Variants in DNAH8 observed in about 807,000 individuals in gnomAD.
The protein encoded by DNAH8 is dynein axonemal heavy chain 8.
In DNAH8, 382 loss-of-function variants were observed where a neutral mutation model predicts 562.1. The observed-to-expected ratio is 0.68, with a 90% CI of 0.63 to 0.74. The LOEUF is 0.74. Among genes scored for constraint, DNAH8 ranks in the 30% least tolerant of loss-of-function variants. The probability of loss-of-function intolerance (pLI) is 0.00; values close to 1 mark genes in which losing one functional copy is unlikely to be tolerated. For missense variants in DNAH8, 5,203 were observed against 5,620.4 expected (o/e 0.93, Z 2.37); for synonymous variants, 1,881 against 1,919.4 (o/e 0.98, Z 0.52).
At chr6:38,786,086 G>A (rs931523757) in intron 17 of DNAH8, among the ~76,000 whole-genome samples, 1 of 152,154 alleles carries the variant, frequency 6.6e-6, no homozygotes, top group African/African-American at 2.4e-5. Context: ...GCCTGTAGAA[G>A]TTCTTCATGT....
rs764618646 is a variant in DNAH8, at chr6:38,931,959, A to C, written c.11423A>C (p.Gln3808Pro). ...GTTACAATGAAAGGACTTGAGAATC[A>C]GTTACTAAGGAGAGTCATTCTAACA... is the stretch of plus-strand genomic sequence containing the variant. ...FTVTMKGLENQLLRRVILTEK... is the reference protein window; with the variant it reads ...FTVTMKGLENPLLRRVILTEK... Residue 3808 changes from glutamine (Q) to proline (P), a missense_variant, in exon 76 of 93, where the codon CAG (glutamine) becomes CCG (proline). Physicochemically the swap from Gln to Pro is moderately conservative, Grantham distance 76. Around this residue, in one of 6 missense-constraint regions of DNAH8, gnomAD observed 1,399 missense variants for 1,518.4 expected, o/e 0.92. Coordinates refer to ENST00000327475, the MANE Select transcript of DNAH8 (RefSeq NM_001206927.2). 1 of 1,608,424 alleles carries C rather than the reference A, an allele frequency of 6.2e-7. No homozygotes were observed.
intron 67 of DNAH8, among the ~76,000 whole-genome samples, chr6:38,914,174 CTCTG>C (rs1424549638): frequency 3.3e-5 from 5 of 152,116 alleles, no homozygotes; most frequent in African/African-American, 9.7e-5. Flanking sequence ...TCTTCTCTCA[CTCTG>C]TCTGTCTCTC....
chr6:38,842,335 A>T, intron 33 of DNAH8, 33 bp from the exon 34 acceptor site: 2 of 1,558,916 alleles, frequency 1.3e-6, no homozygotes, highest in Non-Finnish European at 8.7e-7. Flanking sequence ...AATATTATAC[A>T]TGATGTGATA....
Position 38,874,174 on chromosome 6 carries a change from CTT to C in DNAH8, c.7620+800_7620+801del, listed in dbSNP as rs1274323763. 2.0e-5 allele frequency among the ~76,000 whole-genome samples: 2 copies of C among 101,670 alleles called. 1 individual carries two copies. The highest frequency in any genetic ancestry group is 4.1e-5 in the Non-Finnish European group (2 of 48,738). 66.7% of individuals were successfully genotyped at this position (101,670 alleles called of 152,430 possible). A position where few individuals can be genotyped will look rare whatever the true frequency, so the allele number is the denominator to read the frequency against. On this transcript the variant is annotated intron_variant, in intron 52 of 92. Coordinates refer to ENST00000327475, the MANE Select transcript of DNAH8 (RefSeq NM_001206927.2). ...TTCCTTCCTTCCTCCTTCTCTCTTTCTTTCTTTCTCTCTCTCTTTCTTTCTCT... is the reference window on the plus strand; with the variant it reads ...TTCCTTCCTTCCTCCTTCTCTCTTTCTCTTTCTCTCTCTCTTTCTTTCTCT...
intron 10 of DNAH8, among the ~76,000 whole-genome samples, chr6:38,758,290 A>G (rs910113753): frequency 1.3e-5 from 2 of 151,850 alleles, no homozygotes; most frequent in African/African-American, 4.8e-5. Context: ...CTTTGAAGCA[A>G]TTGTGAATGG....
chr6:38,833,303 A>T (rs942159463), intron 31 of DNAH8, among the ~76,000 whole-genome samples: 9 of 152,160 alleles, frequency 5.9e-5, no homozygotes, highest in Non-Finnish European at 1.2e-4. Context: ...CTATTGTTAA[A>T]GTAAATCTAA....
In DNAH8 at chr6:38,845,764, T is replaced by C. The variant is rs771310097; in HGVS notation, c.5036T>C (p.Leu1679Pro). The C allele has an allele frequency of 1.2e-6, 2 of 1,610,968 alleles. No homozygotes were observed. Among genetic ancestry groups the C allele is most frequent in the African/African-American group, 1.3e-5 (1 of 74,956 alleles). Reference sequence around the variant, plus strand: ...AGTTTAATGGTCTTAGGGTCTTTACTCAGCAACAGGTAATTTTATAATTTG... The same window carrying C: ...AGTTTAATGGTCTTAGGGTCTTTACCCAGCAACAGGTAATTTTATAATTTG... ...EDSLMVLGSLLSNRYNAPFKK... is the reference protein window; with the variant it reads ...EDSLMVLGSLPSNRYNAPFKK... The change falls in exon 36 of 93, where the codon CTC (leucine) becomes CCC (proline). Residue 1679 changes from leucine (L) to proline (P), a missense_variant. Leu to Pro is a moderately conservative substitution (Grantham distance 98, BLOSUM62 -3). This residue lies in a region of DNAH8 where 2,176 missense variants were observed against 2,365.1 expected (regional missense o/e 0.92). Transcript: ENST00000327475.
chr6:38,977,957 A>G lies in DNAH8; in HGVS notation c.12834+3428A>G, dbSNP rs1000938840. On this transcript the variant is annotated intron_variant, in intron 85 of 92. Coordinates refer to ENST00000327475, the MANE Select transcript of DNAH8 (RefSeq NM_001206927.2). ...AGCTCAGTCTTTTTAAAAACTTCCA[A>G]GTGATCCTGATATGTGGCAAGAATT... 2.0e-5 allele frequency among the ~76,000 whole-genome samples: 3 copies of G among 152,344 alleles called. No homozygotes were observed. In the East Asian group the frequency reaches 5.8e-4, roughly 29 times the overall value.
intron 7 of DNAH8, among the ~76,000 whole-genome samples, chr6:38,740,243 T>C (rs1764419179): frequency 6.6e-6 from 1 of 152,202 alleles, no homozygotes; most frequent in African/African-American, 2.4e-5. Context: ...TGAAAAACCC[T>C]ATTGAGATTT....
intron 85 of DNAH8, among the ~76,000 whole-genome samples, chr6:38,981,028 AGTGTGTGTGT>A (rs368543739): frequency 5.5e-5 from 8 of 145,716 alleles, no homozygotes; most frequent in African/African-American, 1.0e-4. Context: ...TGAAAACGGC[AGTGTGTGTGT>A]GTGTGTGTGT....
intron 18 of DNAH8, among the ~76,000 whole-genome samples, chr6:38,789,119 C>T (rs1451004583): frequency 1.3e-5 from 2 of 152,076 alleles, no homozygotes; most frequent in East Asian, 3.9e-4. Context: ...TGAACAATAT[C>T]AAGAAAGTCA....
chr6:38,775,657 G>A (rs1380201386), intron 12 of DNAH8, 97 bp from the exon 13 acceptor site: 1 of 742,158 alleles, frequency 1.3e-6, no homozygotes, highest in Non-Finnish European at 2.2e-6. Context: ...CCTGTTTAAT[G>A]GTTTGTGTTT....
chr6:38,773,529 A>G (rs1372638131), intron 12 of DNAH8, among the ~76,000 whole-genome samples: 1 of 152,122 alleles, frequency 6.6e-6, no homozygotes, highest in Non-Finnish European at 1.5e-5. Flanking sequence ...TCAAGCCACA[A>G]GTGCTCAGCA....
intron 11 of DNAH8, chr6:38,763,490 C>T: frequency 4.1e-6 from 1 of 246,908 alleles, no homozygotes; most frequent in East Asian, 1.2e-4. Context: ...ATACACATAG[C>T]TGTGATACAA....
intron 9 of DNAH8, among the ~76,000 whole-genome samples, chr6:38,752,882 C>T (rs2746170): frequency 2.6e-5 from 4 of 152,030 alleles, no homozygotes; most frequent in Non-Finnish European, 5.9e-5. Flanking sequence ...AAGAGATTGT[C>T]GATTTTATTT....
At chr6:38,874,443 C>T (rs1023867928) in intron 52 of DNAH8, among the ~76,000 whole-genome samples, 4 of 151,326 alleles carry the variant, frequency 2.6e-5, no homozygotes, top group Non-Finnish European at 5.9e-5. Flanking sequence ...AATCATAACT[C>T]ACTGCAACCT....
intron 87 of DNAH8, among the ~76,000 whole-genome samples, chr6:38,987,625 C>G (rs1561946869): frequency 1.3e-5 from 2 of 152,118 alleles, no homozygotes; most frequent in Admixed American, 1.3e-4. Context: ...TTCATTTGCC[C>G]CTGAGTGGCT....
intron 62 of DNAH8, among the ~76,000 whole-genome samples, chr6:38,902,922 C>G (rs1223444993): frequency 6.6e-6 from 1 of 152,166 alleles, no homozygotes; most frequent in Non-Finnish European, 1.5e-5. Flanking sequence ...TGATGGTGGT[C>G]ACATGAGATT....
chr6:38,801,950 A>ATGCTCCTATTTACAT (rs1554214882), intron 21 of DNAH8, among the ~76,000 whole-genome samples: 1 of 149,076 alleles, frequency 6.7e-6, no homozygotes, highest in Non-Finnish European at 1.5e-5. Context: ...TCCTATGTAC[A>ATGCTCCTATTTACAT]TTTTTTTTTT....
Sources: gnomAD v4.1 joint callset for allele counts (sites outside exome capture counted in the v4.1 genomes callset) on GRCh38, gnomAD v4.1.1 for gene constraint, gnomAD v4.1.1 regional missense constraint, MANE v1.5 for transcripts, NCBI Gene and HGNC (gene_info 2026-07-23, HGNC 2026-07-21) for gene names.